DAB1: variants seen among roughly 807,000 people sequenced by gnomAD.
DAB1 encodes DAB adaptor protein 1, also known as disabled homolog 1.
A neutral mutation model predicts 64.6 loss-of-function variants in DAB1; 15 were observed. The ratio of observed to expected loss-of-function variants is 0.23; its 90% CI spans 0.16 to 0.36. DAB1 has a LOEUF of 0.36. Among genes scored for constraint, DAB1 ranks in the 10% least tolerant of loss-of-function variants. DAB1 has a pLI of 1.00. For missense variants in DAB1, 596 were observed against 706.7 expected (o/e 0.84, Z 1.78); for synonymous variants, 235 against 251.9 (o/e 0.93, Z 0.64).
intron 6 of DAB1, among the ~76,000 whole-genome samples, chr1:57,672,339 A>G (rs1646519237): frequency 2.0e-5 from 3 of 152,220 alleles, no homozygotes; most frequent in Admixed American, 2.0e-4. Flanking sequence ...AGTTAATATC[A>G]TAAGTGTTCA....
chr1:58,096,452 C>T (rs1570347605), intron 5 of DAB1, among the ~76,000 whole-genome samples: 1 of 152,116 alleles, frequency 6.6e-6, no homozygotes, highest in Non-Finnish European at 1.5e-5. Context: ...CTGTTTCAGC[C>T]GTGGTGTGAG....
intron 1 of DAB1, among the ~76,000 whole-genome samples, chr1:57,371,857 A>C (rs1680524533): frequency 6.6e-6 from 1 of 152,134 alleles, no homozygotes; most frequent in African/African-American, 2.4e-5. Flanking sequence ...GTCACTTGTG[A>C]TGTGGGGAGG....
chr1:57,902,768 T>G (rs1460607889), intron 5 of DAB1, among the ~76,000 whole-genome samples: 4 of 152,184 alleles, frequency 2.6e-5, no homozygotes, highest in Non-Finnish European at 4.4e-5. Context: ...CTTTTCCCTG[T>G]GTAATCCATC....
intron 2 of DAB1, among the ~76,000 whole-genome samples, chr1:57,145,982 A>G (rs116753709): frequency 5.1e-4 from 78 of 152,298 alleles, no homozygotes; most frequent in African/African-American, 1.8e-3. Flanking sequence ...CTCTTCTGGT[A>G]AGTCATGTGT....
At chr1:57,735,881 G>A (rs1364084713) in intron 6 of DAB1, among the ~76,000 whole-genome samples, 3 of 151,886 alleles carry the variant, frequency 2.0e-5, no homozygotes, top group African/African-American at 2.4e-5. Context: ...GTCTGGGCCC[G>A]GGATTAATGC....
At chr1:57,610,534 T>A (rs1165673629) in intron 7 of DAB1, among the ~76,000 whole-genome samples, 1 of 152,218 alleles carries the variant, frequency 6.6e-6, no homozygotes, top group Non-Finnish European at 1.5e-5. Flanking sequence ...ACACTGCCTT[T>A]GTATTAGTTC....
chr1:57,433,488 A>T (rs1685585755), intron 7 of DAB1, among the ~76,000 whole-genome samples: 1 of 152,152 alleles, frequency 6.6e-6, no homozygotes, highest in South Asian at 2.1e-4. Context: ...ATATGGGAAA[A>T]AATCAGCATG....
Position 57,065,607 on chromosome 1 carries a change from A to G in DAB1, c.664-2664T>C, listed in dbSNP as rs112274818. ...TGCCTAATCGCCAAGCATTCAGCCC[A>G]TGAGTGCTAAGGTGCATGGTCCTGG... On this transcript the variant is annotated intron_variant, in intron 8 of 14. Coordinates refer to ENST00000371236, the MANE Select transcript of DAB1 (RefSeq NM_001365792.1). 6.2e-3 allele frequency among the ~76,000 whole-genome samples: 952 copies of G among 152,346 alleles called. 14 individuals are homozygous for G. The highest frequency in any genetic ancestry group is 0.021 in the African/African-American group (892 of 41,582).
intron 1 of DAB1, chr1:57,874,893 T>G (rs756623570): frequency 3.9e-5 from 6 of 152,132 alleles, no homozygotes; most frequent in Non-Finnish European, 7.3e-5. Context: ...GTCCCAACAT[T>G]CAGACAAAAC....
chr1:58,368,961 C>A (rs1262837851), intron 3 of DAB1, among the ~76,000 whole-genome samples: 1 of 152,160 alleles, frequency 6.6e-6, no homozygotes, highest in African/African-American at 2.4e-5. Flanking sequence ...GTCAAGGCTG[C>A]AGTGAGCTGT....
intron 9 of DAB1, among the ~76,000 whole-genome samples, chr1:57,030,169 G>A (rs1389611719): frequency 1.3e-5 from 2 of 152,184 alleles, no homozygotes; most frequent in Non-Finnish European, 2.9e-5. Context: ...TATGAGATCT[G>A]ATGGGTTTAT....
chr1:58,085,213 T>G (rs1020152782), intron 5 of DAB1, among the ~76,000 whole-genome samples: 2 of 152,206 alleles, frequency 1.3e-5, no homozygotes, highest in Non-Finnish European at 2.9e-5. Context: ...CCAATGCCCT[T>G]GTGGGATCTT....
chr1:57,219,695 G>C lies in DAB1; in HGVS notation c.67+71269C>G, dbSNP rs190059245. On this transcript the variant is annotated intron_variant, in intron 2 of 14. Coordinates refer to ENST00000371236, the MANE Select transcript of DAB1 (RefSeq NM_001365792.1). ...AGGGGACCCTGTGGCAGAGAATTTG[G>C]GGACTTCTAGGAGCTCAGTTCAAGC... Among the ~76,000 whole-genome samples, 244 of 152,208 alleles carry C rather than the reference G, an allele frequency of 1.6e-3. 2 individuals carry two copies. Among genetic ancestry groups the C allele is most frequent in the African/African-American group, 5.5e-3 (227 of 41,532 alleles).
rs149880298 is a variant in DAB1 at position 57,267,477 on chromosome 1, T to G, written c.67+23487A>C. On this transcript the variant is annotated intron_variant, in intron 2 of 14. Coordinates refer to ENST00000371236, the MANE Select transcript of DAB1 (RefSeq NM_001365792.1). The stretch of plus-strand genomic sequence containing the variant: ...GAAGTGTTTTCTCTAAGCTATGAGA[T>G]TCAGATCTGAACCTGTCTTATGCCG... Among the ~76,000 whole-genome samples the G allele has an allele frequency of 4.3e-3, 651 of 152,342 alleles. 6 individuals are homozygous for G. Among genetic ancestry groups the G allele is most frequent in the African/African-American group, 0.014 (600 of 41,584 alleles).
intron 1 of DAB1, among the ~76,000 whole-genome samples, chr1:57,300,539 G>A (rs1287622125): frequency 1.3e-5 from 2 of 152,166 alleles, no homozygotes; most frequent in Admixed American, 6.5e-5. Context: ...GAAACAGAGA[G>A]AAGACGTAAT....
intron 5 of DAB1, among the ~76,000 whole-genome samples, chr1:58,116,180 C>T (rs1224678635): frequency 6.6e-6 from 1 of 152,118 alleles, no homozygotes; most frequent in Non-Finnish European, 1.5e-5. Flanking sequence ...GCTTTTTCTC[C>T]TTCTTCCTTC....
downstream of DAB1, among the ~76,000 whole-genome samples, chr1:57,825,664 T>C (rs1351560841): frequency 5.3e-5 from 8 of 152,234 alleles, no homozygotes; most frequent in Non-Finnish European, 5.9e-5. Flanking sequence ...CAAACAATTA[T>C]TGAGATCCTC....
chr1:57,879,487 G>C (rs1433750459), intron 1 of DAB1, among the ~76,000 whole-genome samples: 1 of 152,124 alleles, frequency 6.6e-6, no homozygotes, highest in Non-Finnish European at 1.5e-5. Flanking sequence ...AACAAATACA[G>C]TGAGTATGCG....
chr1:57,425,700 A>G (rs1685258575), upstream of DAB1, among the ~76,000 whole-genome samples: 1 of 152,234 alleles, frequency 6.6e-6, no homozygotes, highest in African/African-American at 2.4e-5. Flanking sequence ...AGTTGATCAG[A>G]TGAAATTTCC....
Sources: allele counts gnomAD v4.1 joint callset (sites outside exome capture counted in the v4.1 genomes callset), GRCh38; gene constraint gnomAD v4.1.1; transcripts MANE v1.5; gene names NCBI Gene and HGNC (gene_info 2026-07-23, HGNC 2026-07-21).